The following LRRC4C variants were observed in gnomAD, a reference collection of about 807,000 sequenced individuals.
The protein encoded by LRRC4C is leucine rich repeat containing 4C, also known as leucine-rich repeat-containing protein 4C.
LRRC4C carries 5 observed loss-of-function variants against 33.6 expected under a neutral mutation model. That is an observed-to-expected ratio of 0.15 (90% CI 0.08 to 0.31). LRRC4C has a LOEUF of 0.31. Ranked by LOEUF, LRRC4C falls within the 10% of genes least tolerant of loss-of-function variation. The pLI, the probability that LRRC4C is intolerant of heterozygous loss-of-function variation, is 1.00. For synonymous variants in LRRC4C, 329 were observed against 302.0 expected (o/e 1.09, Z -0.93); for missense variants, 560 against 796.7 (o/e 0.70, Z 3.58).
At chr11:40,328,243 C>T (rs1288161807) in intron 3 of LRRC4C, among the ~76,000 whole-genome samples, 1 of 152,060 alleles carries the variant, frequency 6.6e-6, no homozygotes, top group Admixed American at 6.6e-5. Flanking sequence ...TCTATGTAGC[C>T]ACTTTATCCT....
intron 2 of LRRC4C, among the ~76,000 whole-genome samples, chr11:40,748,760 A>G (rs1050056234): frequency 6.6e-6 from 1 of 152,132 alleles, no homozygotes; most frequent in African/African-American, 2.4e-5. Context: ...AAAGACACAT[A>G]TAGATTGAAA....
intron 1 of LRRC4C, among the ~76,000 whole-genome samples, chr11:41,387,683 A>G (rs1565632491): frequency 6.6e-6 from 1 of 151,756 alleles, no homozygotes; most frequent in South Asian, 2.1e-4. Flanking sequence ...ATAACTGTAA[A>G]CAAAATGTTA....
At chr11:40,700,117 C>T (rs941464103) in intron 2 of LRRC4C, among the ~76,000 whole-genome samples, 1 of 152,020 alleles carries the variant, frequency 6.6e-6, no homozygotes, top group East Asian at 1.9e-4. Context: ...AATGATTGAA[C>T]GTCTTAGATG....
intron 3 of LRRC4C, among the ~76,000 whole-genome samples, chr11:40,644,349 A>G (rs1014140326): frequency 3.3e-5 from 5 of 152,240 alleles, no homozygotes; most frequent in African/African-American, 9.6e-5. Context: ...GTTACTCTGG[A>G]AAACTCTTCA....
intron 1 of LRRC4C, among the ~76,000 whole-genome samples, chr11:41,397,092 T>G (rs998686066): frequency 6.6e-6 from 1 of 152,026 alleles, no homozygotes; most frequent in Non-Finnish European, 1.5e-5. Flanking sequence ...TGAGGTCAGA[T>G]GCAAACCCAC....
At chr11:40,728,328 G>C (rs936963588) in intron 2 of LRRC4C, among the ~76,000 whole-genome samples, 7 of 151,936 alleles carry the variant, frequency 4.6e-5, no homozygotes. Flanking sequence ...CATTTTGGCC[G>C]GGCGCAGTGG....
At chr11:40,418,536 G>A (rs1950409062) in intron 3 of LRRC4C, among the ~76,000 whole-genome samples, 1 of 152,216 alleles carries the variant, frequency 6.6e-6, no homozygotes, top group Admixed American at 6.5e-5. Flanking sequence ...TTCAACCATT[G>A]TGGAGGACAC....
At chr11:40,232,632 T>C (rs1411462314) in intron 5 of LRRC4C, among the ~76,000 whole-genome samples, 1 of 152,236 alleles carries the variant, frequency 6.6e-6, no homozygotes, top group Non-Finnish European at 1.5e-5. Flanking sequence ...GGAAGTTGCT[T>C]ATTCATCAAC....
chr11:41,165,273 C>A (rs1944669151), intron 1 of LRRC4C, among the ~76,000 whole-genome samples: 1 of 152,018 alleles, frequency 6.6e-6, no homozygotes, highest in Non-Finnish European at 1.5e-5. Context: ...ATCACCCCAG[C>A]AATAAGGGTA....
At chr11:40,707,679 G>A (rs1388639049) in intron 2 of LRRC4C, among the ~76,000 whole-genome samples, 3 of 151,246 alleles carry the variant, frequency 2.0e-5, no homozygotes, top group Non-Finnish European at 4.4e-5. Context: ...CTCTTTTTTT[G>A]TTGTGTCTCT....
At chr11:41,382,375 G>A (rs968453207) in intron 1 of LRRC4C, among the ~76,000 whole-genome samples, 10 of 152,010 alleles carry the variant, frequency 6.6e-5, no homozygotes, top group African/African-American at 2.4e-4. Flanking sequence ...TTGAAAATAA[G>A]AGTGAGAAAA....
At chr11:41,097,926 C>T (rs1279481786) in intron 1 of LRRC4C, among the ~76,000 whole-genome samples, 3 of 152,032 alleles carry the variant, frequency 2.0e-5, no homozygotes, top group Non-Finnish European at 4.4e-5. Context: ...GCATCCTTGT[C>T]CTGCTTTGTA....
At chr11:40,725,235 A>T (rs1947230867) in intron 2 of LRRC4C, among the ~76,000 whole-genome samples, 1 of 152,206 alleles carries the variant, frequency 6.6e-6, no homozygotes, top group Non-Finnish European at 1.5e-5. Context: ...GGCCGGGTGC[A>T]GTGGCTCACG....
At chr11:41,063,713 G>C (rs530543729) in intron 1 of LRRC4C, among the ~76,000 whole-genome samples, 1 of 152,286 alleles carries the variant, frequency 6.6e-6, no homozygotes, top group South Asian at 2.1e-4. Context: ...AGGCCATAGA[G>C]TCAGCAAGAA....
intron 3 of LRRC4C, among the ~76,000 whole-genome samples, chr11:40,396,008 A>G (rs1045944117): frequency 6.9e-6 from 1 of 144,044 alleles, no homozygotes; most frequent in Non-Finnish European, 1.5e-5. Flanking sequence ...TTTAAAAAAT[A>G]CATATTCCTG....
chr11:40,482,589 C>A (rs992871719), intron 3 of LRRC4C, among the ~76,000 whole-genome samples: 2 of 152,030 alleles, frequency 1.3e-5, no homozygotes, highest in Non-Finnish European at 2.9e-5. Context: ...CTCACCTCAG[C>A]CTCCTGAGTA....
At chr11:41,151,687 G>A (rs1208602314) in intron 1 of LRRC4C, among the ~76,000 whole-genome samples, 1 of 152,092 alleles carries the variant, frequency 6.6e-6, no homozygotes, top group Admixed American at 6.6e-5. Context: ...TATATATTCT[G>A]TCAACAACCA....
At chr11:41,367,965 G>A (rs543875418) in intron 1 of LRRC4C, among the ~76,000 whole-genome samples, 76 of 152,194 alleles carry the variant, frequency 5.0e-4, no homozygotes, top group Non-Finnish European at 8.1e-4. Flanking sequence ...TTTGGTCCAA[G>A]AGCAATTTTT....
At chr11:40,194,075 G>A (rs1421541735) in intron 5 of LRRC4C, among the ~76,000 whole-genome samples, 1 of 152,222 alleles carries the variant, frequency 6.6e-6, no homozygotes, top group East Asian at 1.9e-4. Context: ...TAGCAAGACA[G>A]GCCAACATTC....
Sources: gnomAD v4.1 joint callset for allele counts (sites outside exome capture counted in the v4.1 genomes callset) on GRCh38, gnomAD v4.1.1 for gene constraint, MANE v1.5 for transcripts, NCBI Gene and HGNC (gene_info 2026-07-23, HGNC 2026-07-21) for gene names.